Variants in CALB1 observed in about 807,000 individuals in gnomAD.
The protein encoded by CALB1 is calbindin 1.
CALB1 carries 16 observed loss-of-function variants against 46.7 expected under a neutral mutation model. The observed-to-expected ratio is 0.34, with a 90% CI of 0.23 to 0.52. The LOEUF is 0.52. CALB1 is among the 20% of genes least tolerant of loss of function. The pLI, the probability that CALB1 is intolerant of heterozygous loss-of-function variation, is 0.95. For missense variants in CALB1, 224 were observed against 300.3 expected (o/e 0.75, Z 1.88); for synonymous variants, 90 against 112.8 (o/e 0.80, Z 1.28).
At position 90,063,301 on chromosome 8, in the gene CALB1, T is replaced by C; in HGVS notation, c.526A>G (p.Asn176Asp). The change falls in exon 8 of 11, where the codon AAT becomes GAT. Residue 176 changes from asparagine to aspartate, a missense_variant. Coordinates refer to ENST00000265431, the MANE Select transcript of CALB1 (RefSeq NM_004929.4). ...EMARLLPVQE[N>D]FLLKFQGIKM... The stretch of plus-strand genomic sequence containing the variant: ...AGTACCTGGAATTTAAGAAGAAAAT[T>C]CTCCTGCACTGGTAGTAACCTTTTG... 6.3e-7 allele frequency: 1 copy of C among 1,593,586 alleles called. No homozygotes were observed. The highest frequency in any genetic ancestry group is 8.6e-7 in the Non-Finnish European group (1 of 1,163,176).
At chr8:90,065,168 C>T (rs545246730) in intron 6 of CALB1, among the ~76,000 whole-genome samples, 8 of 151,732 alleles carry the variant, frequency 5.3e-5, no homozygotes, top group African/African-American at 1.9e-4. Flanking sequence ...GAGCAAACTT[C>T]GTCCAATAGA....
At chr8:90,063,052 G>A in intron 9 of CALB1, 48 bp downstream of exon 9, 1 of 1,328,950 alleles carries the variant, frequency 7.5e-7, no homozygotes, top group Non-Finnish European at 1.1e-6. Context: ...ATCTTATGTT[G>A]TGTTCTTACT....
intron 5 of CALB1, among the ~76,000 whole-genome samples, chr8:90,066,622 G>T (rs1049655927): frequency 6.6e-6 from 1 of 151,896 alleles, no homozygotes; most frequent in Non-Finnish European, 1.5e-5. Flanking sequence ...AAAGATATAT[G>T]AATCATATTA....
chr8:90,063,640 G>A, intron 6 of CALB1, 179 bp from the exon 7 acceptor site: 1 of 590,024 alleles, frequency 1.7e-6, no homozygotes, highest in Non-Finnish European at 3.0e-6. Context: ...TGTGTCCATT[G>A]CTAGAGTTTA....
At chr8:90,073,767 G>T (rs1029337451) in intron 3 of CALB1, among the ~76,000 whole-genome samples, 9 of 152,166 alleles carry the variant, frequency 5.9e-5, no homozygotes, top group Non-Finnish European at 1.2e-4. Flanking sequence ...CTGTGCTGGT[G>T]ACCACAGTCA....
chr8:90,070,837 A>AGTGTGTGTGTGT (rs35368479), intron 3 of CALB1, among the ~76,000 whole-genome samples: 130 of 121,732 alleles, frequency 1.1e-3, no homozygotes, highest in Middle Eastern at 8.8e-3. Flanking sequence ...GCATCATTGC[A>AGTGTGTGTGTGT]GTGTGTGTGT....
At chr8:90,070,859 T>TGA (rs1554578983) in intron 3 of CALB1, among the ~76,000 whole-genome samples, 1 of 122,694 alleles carries the variant, frequency 8.2e-6, no homozygotes, top group African/African-American at 3.0e-5. Flanking sequence ...TGTGTGTGTG[T>TGA]GTGTGTGTGT....
intron 6 of CALB1, among the ~76,000 whole-genome samples, chr8:90,064,718 C>CT (rs1216860228): frequency 8.6e-5 from 13 of 151,824 alleles, no homozygotes; most frequent in African/African-American, 3.1e-4. Flanking sequence ...GCAAGAAACT[C>CT]TCCCCCATTT....
chr8:90,066,568 T>A (rs2130229668), intron 5 of CALB1, among the ~76,000 whole-genome samples: 1 of 152,156 alleles, frequency 6.6e-6, no homozygotes. Context: ...CACTGACTAT[T>A]TAAATTAACA....
intron 3 of CALB1, among the ~76,000 whole-genome samples, chr8:90,070,859 T>TGTGTGTGA (rs1554578982): frequency 9.8e-5 from 12 of 122,692 alleles, no homozygotes; most frequent in African/African-American, 2.7e-4. Flanking sequence ...TGTGTGTGTG[T>TGTGTGTGA]GTGTGTGTGT....
intron 10 of CALB1, 53 bp downstream of exon 10, chr8:90,060,576 G>A (rs958586851): frequency 7.1e-7 from 1 of 1,399,738 alleles, no homozygotes; most frequent in Non-Finnish European, 1.0e-6. Context: ...GTTGGTTTTG[G>A]ATGGATCCAC....
intron 3 of CALB1, among the ~76,000 whole-genome samples, chr8:90,073,671 C>A (rs1241539088): frequency 6.6e-6 from 1 of 152,178 alleles, no homozygotes; most frequent in Non-Finnish European, 1.5e-5. Context: ...TCTTTTATTT[C>A]TAGCGTAATA....
At position 90,069,209 on chromosome 8, in the gene CALB1, T is replaced by G; in HGVS notation, c.260A>C (p.Asn87Thr). Residue 87 changes from asparagine (N) to threonine (T), a missense_variant, in exon 4 of 11, where the codon AAT (asparagine) becomes ACT (threonine). Transcript: ENST00000265431. ...ELAHVLPTEE[N>T]FLLLFRCQQL... Reference sequence around the variant, plus strand: ...CTGGCATCGGAAGAGCAGCAGGAAATTCTCTTCTGTGGGTAATACGTGAGC... The same window carrying G: ...CTGGCATCGGAAGAGCAGCAGGAAAGTCTCTTCTGTGGGTAATACGTGAGC... 6.2e-7 allele frequency: 1 copy of G among 1,614,002 alleles called. No individual in the cohort carries two copies. Among genetic ancestry groups the G allele is most frequent in the Non-Finnish European group, 8.5e-7 (1 of 1,179,924 alleles).
At chr8:90,077,345 C>T (rs1814640305) in intron 3 of CALB1, among the ~76,000 whole-genome samples, 1 of 151,972 alleles carries the variant, frequency 6.6e-6, no homozygotes, top group African/African-American at 2.4e-5. Context: ...GTGTATTTCA[C>T]ACTGGCATCA....
intron 1 of CALB1, 23 bp downstream of exon 1, chr8:90,082,596 A>T (rs772158530): frequency 6.2e-7 from 1 of 1,602,016 alleles, no homozygotes; most frequent in South Asian, 1.1e-5. Context: ...GTCTTGAAAC[A>T]GTTAAAAAGA....
intron 9 of CALB1, chr8:90,061,714 C>A (rs1394002669): frequency 6.6e-6 from 1 of 152,014 alleles, no homozygotes; most frequent in Non-Finnish European, 1.5e-5. Context: ...AACAGAGACA[C>A]AAACAAATGG....
chr8:90,077,518 T>C (rs140920379), intron 3 of CALB1, among the ~76,000 whole-genome samples: 1 of 152,166 alleles, frequency 6.6e-6, no homozygotes, highest in East Asian at 1.9e-4. Context: ...ATATTTCAAA[T>C]TATGACCTAA....
chr8:90,078,792 C>T lies in CALB1; in HGVS notation c.157-345G>A, dbSNP rs115983428. ...CACCATCAATATATTTTAAACAATG[C>T]TTGCTTCATTAAAGATTACCTTATA... On this transcript the variant is annotated intron_variant, in intron 2 of 10. Transcript: ENST00000265431. Among the ~76,000 whole-genome samples, 1,011 of 152,040 alleles carry T rather than the reference C, an allele frequency of 6.6e-3. 8 individuals carry two copies. Among genetic ancestry groups the T allele is most frequent in the African/African-American group, 0.023 (958 of 41,536 alleles).
intron 10 of CALB1, 60 bp downstream of exon 10, chr8:90,060,569 G>C: frequency 7.8e-7 from 1 of 1,275,190 alleles, no homozygotes; most frequent in Non-Finnish European, 1.1e-6. Context: ...ATGTGCTGTT[G>C]GTTTTGGATG....
Sources: gnomAD v4.1 joint callset for allele counts (sites outside exome capture counted in the v4.1 genomes callset) on GRCh38, gnomAD v4.1.1 for gene constraint, MANE v1.5 for transcripts, NCBI Gene and HGNC (gene_info 2026-07-23, HGNC 2026-07-21) for gene names.